The following GLE1 variants were observed in gnomAD, a reference collection of about 807,000 sequenced individuals.
The protein encoded by GLE1 is GLE1 RNA export mediator, also known as mRNA export factor GLE1.
In GLE1, 78 loss-of-function variants were observed where a neutral mutation model predicts 97.3. That is an observed-to-expected ratio of 0.80 (90% CI 0.67 to 0.97). The LOEUF (loss-of-function observed/expected upper bound fraction) is 0.97. GLE1 is among the 50% of genes least tolerant of loss of function. GLE1 has a pLI of 0.00. For missense variants in GLE1, 753 were observed against 857.5 expected (o/e 0.88, Z 1.52); for synonymous variants, 302 against 313.4 (o/e 0.96, Z 0.39).
chr9:128,538,712 C>T (rs377318756), intron 13 of GLE1, among the ~76,000 whole-genome samples: 2 of 152,174 alleles, frequency 1.3e-5, no homozygotes, highest in East Asian at 3.9e-4. Context: ...AGGAGAATCG[C>T]TTGAACAGGA....
At chr9:128,524,804 A>T (rs1352191708) in intron 6 of GLE1, among the ~76,000 whole-genome samples, 2 of 152,006 alleles carry the variant, frequency 1.3e-5, no homozygotes, top group Admixed American at 1.3e-4. Context: ...AGGCACGAGC[A>T]GCACTTGAAC....
Position 128,515,647 on chromosome 9 carries a change from A to C in GLE1, c.432+8A>C. 1.4e-6 allele frequency: 2 copies of C among 1,474,308 alleles called. No individual in the cohort carries two copies. The highest frequency in any genetic ancestry group is 1.9e-6 in the Non-Finnish European group (2 of 1,053,082). 91.3% of individuals were successfully genotyped at this position (1,474,308 alleles called of 1,614,324 possible). On this transcript the variant is annotated splice_region_variant and intron_variant, in intron 3 of 15. Transcript: ENST00000309971. The stretch of plus-strand genomic sequence containing the variant: ...CACAGAATGAAAGGAACAGTAAGTG[A>C]ACCCATGAAGGAAGGCAGCCTTGAT...
intron 7 of GLE1, 46 bp downstream of exon 7, chr9:128,525,469 T>C (rs768010403): frequency 4.3e-6 from 5 of 1,164,532 alleles, no homozygotes; most frequent in East Asian, 5.1e-5. Flanking sequence ...AAGTTTCAAA[T>C]GTGAAGAGAA....
chr9:128,515,003 T>C (rs937719635), intron 2 of GLE1, among the ~76,000 whole-genome samples: 6 of 151,984 alleles, frequency 3.9e-5, no homozygotes, highest in Non-Finnish European at 8.8e-5. Flanking sequence ...GTGTTTTTAG[T>C]AGGGACGGGG....
rs1406134981 is a variant in GLE1, at chr9:128,527,295, G to C, written c.1242+4G>C. On this transcript the variant is annotated splice_donor_region_variant and intron_variant, in intron 8 of 15. Transcript: ENST00000309971. ...GACCAACAGCAAGGACAGTCAGGTA[G>C]GGGAGAGGTATATGGCAGTAATTTT... The C allele has an allele frequency of 1.3e-6, 2 of 1,533,956 alleles. No homozygotes were observed. Among genetic ancestry groups the C allele is most frequent in the Non-Finnish European group, 1.8e-6 (2 of 1,106,872 alleles).
intron 1 of GLE1, among the ~76,000 whole-genome samples, chr9:128,506,004 A>G (rs1048816191): frequency 6.6e-6 from 1 of 151,992 alleles, no homozygotes; most frequent in African/African-American, 2.4e-5. Flanking sequence ...TTTATTATTT[A>G]TTTATTTTAT....
rs756756643 is a variant in GLE1 at position 128,523,674 on chromosome 9, A to G, written c.725A>G (p.Gln242Arg). Reference sequence around the variant, plus strand: ...GAGCGGCTTCGGAAGGAAGAAGGCCAGATCCGCCTGCGGGCCCTCTATGCT... The same window carrying G: ...GAGCGGCTTCGGAAGGAAGAAGGCCGGATCCGCCTGCGGGCCCTCTATGCT... ...EQERLRKEEG[Q>R]IRLRALYALQ... Residue 242 changes from glutamine to arginine, a missense_variant, in exon 6 of 16, where the codon CAG (glutamine) becomes CGG (arginine). Physicochemically the swap from Gln to Arg is conservative, Grantham distance 43 (BLOSUM62 1). Transcript: ENST00000309971. 2.5e-6 allele frequency: 4 copies of G among 1,614,160 alleles called. No individual in the cohort carries two copies. The South Asian group carries it at 4.4e-5, about 18-fold the overall frequency.
Position 128,520,358 on chromosome 9 carries a change from GTGTGTATATA to G in GLE1, c.433-2306_433-2297del, listed in dbSNP as rs1464513796. Among the ~76,000 whole-genome samples, 11 of 147,066 alleles carry G rather than the reference GTGTGTATATA, an allele frequency of 7.5e-5. No individual in the cohort carries two copies. The East Asian group carries it at 2.2e-3, about 30-fold the overall frequency. On this transcript the variant is annotated intron_variant, in intron 3 of 15. Transcript: ENST00000309971. Reference sequence around the variant, plus strand: ...TATGTGTATATGTGTATATATGTATGTGTGTATATATGTATATATGTATATGTGTATATAT... The same window carrying G: ...TATGTGTATATGTGTATATATGTATGTGTATATATGTATATGTGTATATAT...
intron 9 of GLE1, 61 bp from the exon 10 acceptor site, chr9:128,533,452 A>T: frequency 4.6e-5 from 47 of 1,011,790 alleles, no homozygotes; most frequent in Non-Finnish European, 6.3e-5. Context: ...AAAAAAAAAA[A>T]GGAAAAGAAA....
chr9:128,514,132 GT>G (rs1218900967), intron 2 of GLE1, among the ~76,000 whole-genome samples: 2 of 151,784 alleles, frequency 1.3e-5, no homozygotes, highest in African/African-American at 4.8e-5. Flanking sequence ...GAGACTAGGA[GT>G]TTGGGACCAG....
At chr9:128,536,705 A>G in intron 12 of GLE1, 1 of 489,790 alleles carries the variant, frequency 2.0e-6, no homozygotes, top group Non-Finnish European at 3.7e-6. Context: ...AACAGAGTCT[A>G]CCAGAGGAGA....
chr9:128,524,845 C>G, intron 6 of GLE1, among the ~76,000 whole-genome samples: 1 of 151,856 alleles, frequency 6.6e-6, no homozygotes, highest in Non-Finnish European at 1.5e-5. Flanking sequence ...TGACCGAGAT[C>G]TTGCCACTGC....
intron 3 of GLE1, among the ~76,000 whole-genome samples, chr9:128,520,848 G>A (rs1349851402): frequency 6.6e-6 from 1 of 151,898 alleles, no homozygotes; most frequent in Non-Finnish European, 1.5e-5. Context: ...TGACCTCCTG[G>A]GTTCAGGCAT....
At chr9:128,523,166 C>T in intron 4 of GLE1, 114 bp from the exon 5 acceptor site, 1 of 862,550 alleles carries the variant, frequency 1.2e-6, no homozygotes, top group Non-Finnish European at 2.0e-6. Context: ...GACCCCATCT[C>T]TAAGAAAAAG....
chr9:128,533,440 A>G (rs1847586855), intron 9 of GLE1, 73 bp from the exon 10 acceptor site: 2 of 1,086,980 alleles, frequency 1.8e-6, no homozygotes, highest in East Asian at 2.6e-5. Context: ...AAAAAAAAAA[A>G]AAAAAAAAAA....
intron 13 of GLE1, among the ~76,000 whole-genome samples, chr9:128,538,624 C>T (rs1469053908): frequency 6.6e-6 from 1 of 152,172 alleles, no homozygotes; most frequent in Non-Finnish European, 1.5e-5. Context: ...TGGTGAAACC[C>T]CGTCTCTACT....
intron 11 of GLE1, among the ~76,000 whole-genome samples, chr9:128,534,524 A>G (rs1847633755): frequency 6.6e-6 from 1 of 152,082 alleles, no homozygotes; most frequent in South Asian, 2.1e-4. Context: ...ATACCTTTGC[A>G]AAAATGGACA....
At chr9:128,533,162 G>A (rs1201555557) in intron 9 of GLE1, among the ~76,000 whole-genome samples, 2 of 151,856 alleles carry the variant, frequency 1.3e-5, no homozygotes, top group Non-Finnish European at 2.9e-5. Context: ...GGTGGCTCAC[G>A]CCTGTAATCC....
Position 128,525,354 on chromosome 9 carries a change from C to G in GLE1, c.1060C>G (p.Gln354Glu). The G allele has an allele frequency of 3.7e-6, 6 of 1,613,306 alleles. No individual in the cohort carries two copies. The highest frequency in any genetic ancestry group is 5.1e-6 in the Non-Finnish European group (6 of 1,179,620). The change falls in exon 7 of 16, where the codon CAG (glutamine) becomes GAG (glutamate). Residue 354 changes from glutamine (Q) to glutamate (E), a missense_variant. Coordinates refer to ENST00000309971, the MANE Select transcript of GLE1 (RefSeq NM_001003722.2). ...GGTAAAGCTGCAAGAGGCACAGATG[C>G]AGCAGGGACCAGAGGCCCACAAAGA... ...AQVKLQEAQM[Q>E]QGPEAHKEPP... is the part of the protein sequence containing the mutation.
Sources: allele counts gnomAD v4.1 joint callset (sites outside exome capture counted in the v4.1 genomes callset), GRCh38; gene constraint gnomAD v4.1.1; transcripts MANE v1.5; gene names NCBI Gene and HGNC (gene_info 2026-07-23, HGNC 2026-07-21).